SPATA22: variants seen among roughly 807,000 people sequenced by gnomAD.
SPATA22 encodes the protein spermatogenesis associated 22.
SPATA22 carries 29 observed loss-of-function variants against 47.8 expected under a neutral mutation model. The observed-to-expected ratio is 0.61, with a 90% confidence interval of 0.45 to 0.83. The LOEUF (loss-of-function observed/expected upper bound fraction) is 0.83, where lower values mean the gene tolerates loss of function less well. Ranked by LOEUF, SPATA22 falls within the 40% of genes least tolerant of loss-of-function variation. The pLI is 0.00. For missense variants in SPATA22, 410 were observed against 421.7 expected (o/e 0.97, Z 0.24); for synonymous variants, 133 against 140.9 (o/e 0.94, Z 0.40).
rs1210619193 is a variant in SPATA22, at chr17:3,463,928, C to T, written c.173-1161G>A. Among the ~76,000 whole-genome samples, 6 of 86,262 alleles carry T rather than the reference C, an allele frequency of 7.0e-5. No individual in the cohort carries two copies. The East Asian group carries it at 9.9e-4, about 14-fold the overall frequency. 56.6% of individuals were successfully genotyped at this position (86,262 alleles called of 152,430 possible). A position where few individuals can be genotyped will look rare whatever the true frequency, so the allele number is the denominator to read the frequency against. The stretch of plus-strand genomic sequence containing the variant: ...CACTGATCCTCTCCCTCTCCCTCTC[C>T]CTCTCCCTCTCCCTCTCCCTCTGCC... On this transcript the variant is annotated intron_variant, in intron 3 of 8. Coordinates refer to ENST00000572969, the MANE Select transcript of SPATA22 (RefSeq NM_001170698.2).
intron 7 of SPATA22, among the ~76,000 whole-genome samples, chr17:3,443,789 A>G (rs1269011581): frequency 6.6e-6 from 1 of 151,980 alleles, no homozygotes; most frequent in African/African-American, 2.4e-5. Flanking sequence ...TCATATACAT[A>G]CAATATATTT....
chr17:3,474,556 GGACA>G (rs1317519139), upstream of SPATA22, among the ~76,000 whole-genome samples: 6 of 152,240 alleles, frequency 3.9e-5, no homozygotes, highest in East Asian at 1.9e-4. Flanking sequence ...ACATGGATGT[GGACA>G]GACAGTCAAA....
exon 1 of SPATA22, chr17:3,513,608 G>A (rs2074142312): frequency 7.2e-6 from 2 of 277,814 alleles, no homozygotes; most frequent in African/African-American, 2.2e-5. Context: ...CAGCCAAGCC[G>A]ACCTGCAATT....
intron 5 of SPATA22, among the ~76,000 whole-genome samples, chr17:3,460,587 A>G (rs1386749370): frequency 6.6e-6 from 1 of 151,862 alleles, no homozygotes; most frequent in Non-Finnish European, 1.5e-5. Context: ...CCAGGAGTTC[A>G]AGACCAGCCT....
chr17:3,447,840 TGTC>T (rs1291727114), intron 6 of SPATA22, among the ~76,000 whole-genome samples: 5 of 152,132 alleles, frequency 3.3e-5, no homozygotes, highest in Non-Finnish European at 7.4e-5. Context: ...CACCCTATGA[TGTC>T]GTACCAGTGA....
intron 3 of SPATA22, among the ~76,000 whole-genome samples, chr17:3,464,962 T>C (rs1264309325): frequency 1.2e-5 from 1 of 81,534 alleles, no homozygotes; most frequent in Middle Eastern, 7.8e-3. Context: ...CAGCCGCCCC[T>C]ACTGGGAAGT....
chr17:3,476,069 C>T (rs1019066825), upstream of SPATA22: 50 of 1,221,176 alleles, frequency 4.1e-5, no homozygotes, highest in Admixed American at 7.1e-5. Flanking sequence ...GGTAAAGTCT[C>T]ATTTACATTT....
At chr17:3,498,998 T>G in intron 1 of SPATA22, 1 of 1,614,230 alleles carries the variant, frequency 6.2e-7, no homozygotes, top group Non-Finnish European at 8.5e-7. Context: ...TGTTTGTGAA[T>G]GAGGCCGCAT....
At chr17:3,491,877 CTT>C (rs540965896) in intron 1 of SPATA22, among the ~76,000 whole-genome samples, 7 of 123,038 alleles carry the variant, frequency 5.7e-5, no homozygotes, top group Non-Finnish European at 8.1e-5. Flanking sequence ...CTTTTGTTTT[CTT>C]TTTTTTTTTT....
chr17:3,460,884 C>T (rs1487520337), intron 5 of SPATA22, among the ~76,000 whole-genome samples: 3 of 150,242 alleles, frequency 2.0e-5, no homozygotes, highest in Non-Finnish European at 4.4e-5. Flanking sequence ...ACTAAAAGTA[C>T]AAGCTCAATG....
At chr17:3,477,905 G>A (rs1301966925) in intron 1 of SPATA22, among the ~76,000 whole-genome samples, 2 of 151,892 alleles carry the variant, frequency 1.3e-5, no homozygotes, top group Admixed American at 6.6e-5. Flanking sequence ...ATACATGGCC[G>A]GGCACAGTGG....
At chr17:3,456,096 T>C (rs529691745) in intron 5 of SPATA22, among the ~76,000 whole-genome samples, 28 of 152,176 alleles carry the variant, frequency 1.8e-4, no homozygotes, top group Non-Finnish European at 3.1e-4. Flanking sequence ...GCTCTCTGTT[T>C]GTCTGTTATT....
In SPATA22 at chr17:3,440,056, A is replaced by G. The variant is rs866686420; in HGVS notation, c.*91T>C. 4 of 763,564 alleles carry G rather than the reference A, an allele frequency of 5.2e-6. No individual in the cohort carries two copies. The highest frequency in any genetic ancestry group is 3.7e-5 in the South Asian group (1 of 26,746). The allele number at this position is 763,564 out of a possible 1,614,324, so 47.3% of individuals were successfully genotyped here. A position where few individuals can be genotyped will look rare whatever the true frequency, so the allele number is the denominator to read the frequency against. On this transcript the variant is annotated 3_prime_UTR_variant, in exon 9 of 9. Transcript: ENST00000572969. ...CAAATACTTTAATTCAACAAGTGAA[A>G]TACAATAGTAGCTATAAAACTATGG...
At chr17:3,499,864 A>G (rs1426479525) in intron 1 of SPATA22, 1 of 152,248 alleles carries the variant, frequency 6.6e-6, no homozygotes. Context: ...TAAGCTTAGT[A>G]AGGAAGGCAT....
At chr17:3,471,524 A>ACGCACACACACACACACACCACC (rs1567606236) in intron 1 of SPATA22, 158 bp downstream of exon 1, 1 of 984,892 alleles carries the variant, frequency 1.0e-6, no homozygotes, top group African/African-American at 1.8e-5. Context: ...GCACGCACAC[A>ACGCACACACACACACACACCACC]CACACACACC....
At chr17:3,496,806 C>T (rs1332784225) in intron 1 of SPATA22, among the ~76,000 whole-genome samples, 1 of 152,228 alleles carries the variant, frequency 6.6e-6, no homozygotes, top group Non-Finnish European at 1.5e-5. Flanking sequence ...GTGGCTCACG[C>T]CTGTAATCCC....
rs1555540674 is a variant in SPATA22 at position 3,494,392 on chromosome 17, TAGAG to T, written c.-74+19016_-74+19019del. 6.2e-7 allele frequency: 1 copy of T among 1,613,138 alleles called. No homozygotes were observed. Among genetic ancestry groups the T allele is most frequent in the Non-Finnish European group, 8.5e-7 (1 of 1,179,044 alleles). ...TGCGCCATTGAGGTCTATAAAATTA[TAGAG>T]AAAGTTGATTACCCCCGGGATGAAA... On this transcript the variant is annotated intron_variant, in intron 1 of 8. Coordinates refer to the SPATA22 transcript ENST00000541913.
intron 1 of SPATA22, chr17:3,501,495 GA>G: frequency 6.5e-6 from 1 of 153,352 alleles, no homozygotes; most frequent in South Asian, 2.0e-4. Context: ...TTGAATGGAT[GA>G]GGAGTCGCTT....
chr17:3,473,148 C>T (rs1229135448), upstream of SPATA22, among the ~76,000 whole-genome samples: 1 of 145,720 alleles, frequency 6.9e-6, no homozygotes, highest in Non-Finnish European at 1.5e-5. Context: ...CCGATTACTT[C>T]TGTAGGGACT....
Sources: allele counts gnomAD v4.1 joint callset (sites outside exome capture counted in the v4.1 genomes callset), GRCh38; gene constraint gnomAD v4.1.1; transcripts MANE v1.5; gene names NCBI Gene and HGNC (gene_info 2026-07-23, HGNC 2026-07-21).